Variants in ARHGAP6 observed in about 807,000 individuals in gnomAD.
The protein encoded by ARHGAP6 is rho GTPase-activating protein 6.
In ARHGAP6, 16 loss-of-function variants were observed where a neutral mutation model predicts 55.7. The ratio of observed to expected loss-of-function variants is 0.29; its 90% CI spans 0.19 to 0.44. The LOEUF is 0.44. ARHGAP6 is among the 20% of genes least tolerant of loss of function. The probability of loss-of-function intolerance (pLI) is 1.00; values close to 1 mark genes in which losing one functional copy is unlikely to be tolerated. For synonymous variants in ARHGAP6, 382 were observed against 360.9 expected (o/e 1.06, Z -0.66); for missense variants, 698 against 808.9 (o/e 0.86, Z 1.66).
chrX:11,618,267 C>T (rs935679371), intron 1 of ARHGAP6, among the ~76,000 whole-genome samples: 1 of 111,673 alleles, frequency 9.0e-6, no homozygotes, highest in Non-Finnish European at 1.9e-5. Flanking sequence ...ATCTGATCTC[C>T]AGAACTGTAA....
chrX:11,346,123 C>A (rs1292511085), intron 1 of ARHGAP6, among the ~76,000 whole-genome samples: 1 of 110,877 alleles, frequency 9.0e-6, no homozygotes, highest in Non-Finnish European at 1.9e-5. Flanking sequence ...ATAAAAGAAG[C>A]AATTTGCCTG....
chrX:11,393,691 T>C (rs1311488241), intron 1 of ARHGAP6, among the ~76,000 whole-genome samples: 2 of 111,572 alleles, frequency 1.8e-5, no homozygotes, highest in Non-Finnish European at 3.8e-5. Context: ...TATTATTTCA[T>C]AATCTAGGAA....
chrX:11,275,926 C>G (rs1242777123), intron 1 of ARHGAP6, among the ~76,000 whole-genome samples: 1 of 111,735 alleles, frequency 8.9e-6, no homozygotes, highest in African/African-American at 3.3e-5. Flanking sequence ...TGAATCATCA[C>G]ATTAACAAGA....
intron 1 of ARHGAP6, among the ~76,000 whole-genome samples, chrX:11,368,428 C>T (rs2049107977): frequency 8.9e-6 from 1 of 111,800 alleles, no homozygotes; most frequent in Non-Finnish European, 1.9e-5. Context: ...GCCCATTTGG[C>T]CCAGGGTTCC....
At chrX:11,633,311 C>T (rs1365948728) in intron 1 of ARHGAP6, among the ~76,000 whole-genome samples, 2 of 112,146 alleles carry the variant, frequency 1.8e-5, no homozygotes, top group African/African-American at 6.5e-5. Context: ...GTCAATACAC[C>T]CTCCCTGTCC....
At chrX:11,468,334 G>A (rs1001339132) in intron 1 of ARHGAP6, among the ~76,000 whole-genome samples, 3 of 112,302 alleles carry the variant, frequency 2.7e-5, no homozygotes, top group African/African-American at 6.5e-5. Context: ...CAGTAACCTG[G>A]ATGATACATT....
intron 2 of ARHGAP6, among the ~76,000 whole-genome samples, chrX:11,240,625 C>T (rs950746717): frequency 5.4e-5 from 6 of 111,694 alleles, no homozygotes; most frequent in Non-Finnish European, 7.5e-5. Context: ...TCCACCCATC[C>T]ACCCTTTGAT....
At chrX:11,148,314 T>G (rs996433427) in intron 10 of ARHGAP6, among the ~76,000 whole-genome samples, 7 of 111,810 alleles carry the variant, frequency 6.3e-5, no homozygotes, top group African/African-American at 2.3e-4. Context: ...TGAGGAATAG[T>G]CTAAAAGCAC....
chrX:11,649,569 T>C (rs993574877), intron 1 of ARHGAP6, among the ~76,000 whole-genome samples: 2 of 111,739 alleles, frequency 1.8e-5, no homozygotes, highest in Non-Finnish European at 3.8e-5. Flanking sequence ...TTTTCTTCAT[T>C]ACTCCTTCCT....
At position 11,605,268 on chromosome X, in the gene ARHGAP6, A is replaced by T. The variant is rs189194546; in HGVS notation, c.588+58973T>A. ...AGTACCTAAGCTTCAGGTAAAAATG[A>T]CGAAGCCTGACTAAGAGATGGGGAG... On this transcript the variant is annotated intron_variant, in intron 1 of 12. Coordinates refer to ENST00000337414, the MANE Select transcript of ARHGAP6 (RefSeq NM_013427.3). Among the ~76,000 whole-genome samples the T allele has an allele frequency of 2.1e-3, 229 of 111,622 alleles. 2 individuals are homozygous for T. Among genetic ancestry groups the T allele is most frequent in the African/African-American group, 7.1e-3 (219 of 30,699 alleles).
At chrX:11,323,866 CAA>C (rs61462099) in intron 1 of ARHGAP6, among the ~76,000 whole-genome samples, 8 of 40,293 alleles carry the variant, frequency 2.0e-4, no homozygotes, top group Admixed American at 1.0e-3. Flanking sequence ...ACCCCCATTT[CAA>C]AAAAAAAAAA....
At chrX:11,284,733 T>A (rs1399049956) in intron 1 of ARHGAP6, among the ~76,000 whole-genome samples, 1 of 111,804 alleles carries the variant, frequency 8.9e-6, no homozygotes, top group African/African-American at 3.3e-5. Context: ...GGAATTTCCT[T>A]GAACAAGATT....
At chrX:11,360,006 A>G (rs1201318549) in intron 1 of ARHGAP6, among the ~76,000 whole-genome samples, 3 of 111,749 alleles carry the variant, frequency 2.7e-5, no homozygotes, top group Non-Finnish European at 5.6e-5. Flanking sequence ...AAATTGTGGC[A>G]ATAATCAATA....
chrX:11,282,266 T>C (rs1426627996), intron 1 of ARHGAP6, among the ~76,000 whole-genome samples: 1 of 112,236 alleles, frequency 8.9e-6, no homozygotes, highest in African/African-American at 3.2e-5. Flanking sequence ...AATCAACATG[T>C]TAGCAGCCTC....
rs186324219 is a variant in ARHGAP6 at position 11,468,096 on chromosome X, T to G, written c.588+196145A>C. Among the ~76,000 whole-genome samples, 9 of 111,142 alleles carry G rather than the reference T, an allele frequency of 8.1e-5. No homozygotes were observed. In the East Asian group the frequency reaches 2.5e-3, roughly 31 times the overall value. ...GAATATTAGCAACCTTTGGAGATGGTGGGTTGGAGATCATGATTGGGCACA... is the reference window on the plus strand; with the variant it reads ...GAATATTAGCAACCTTTGGAGATGGGGGGTTGGAGATCATGATTGGGCACA... On this transcript the variant is annotated intron_variant, in intron 1 of 12. Coordinates refer to ENST00000337414, the MANE Select transcript of ARHGAP6 (RefSeq NM_013427.3).
chrX:11,540,664 G>T (rs915902690), intron 1 of ARHGAP6, among the ~76,000 whole-genome samples: 3 of 112,167 alleles, frequency 2.7e-5, no homozygotes, highest in Non-Finnish European at 5.6e-5. Context: ...TGGCTTATTG[G>T]CACCAAGAAG....
chrX:11,526,935 G>T (rs1378213669), intron 1 of ARHGAP6, among the ~76,000 whole-genome samples: 1 of 109,280 alleles, frequency 9.2e-6, no homozygotes, highest in Non-Finnish European at 1.9e-5. Context: ...TAATTTAAAA[G>T]TTTAGAAACC....
intron 1 of ARHGAP6, among the ~76,000 whole-genome samples, chrX:11,309,563 TAAAAGTTA>T (rs963241552): frequency 1.5e-4 from 17 of 110,281 alleles, no homozygotes; most frequent in African/African-American, 4.6e-4. Flanking sequence ...AAGAAAAGTG[TAAAAGTTA>T]AAAAGTTAAA....
intron 1 of ARHGAP6, among the ~76,000 whole-genome samples, chrX:11,458,624 A>T (rs1218506228): frequency 8.9e-6 from 1 of 112,076 alleles, no homozygotes; most frequent in Non-Finnish European, 1.9e-5. Context: ...TCTACATCTC[A>T]TGGTTTTGTT....
Sources: allele counts gnomAD v4.1 joint callset (sites outside exome capture counted in the v4.1 genomes callset), GRCh38; gene constraint gnomAD v4.1.1; transcripts MANE v1.5; gene names NCBI Gene and HGNC (gene_info 2026-07-23, HGNC 2026-07-21).